FAM131C: variants seen among roughly 807,000 people sequenced by gnomAD.
FAM131C encodes the protein family with sequence similarity 131 member C.
In FAM131C, 14 loss-of-function variants were observed where a neutral mutation model predicts 29.8. The ratio of observed to expected loss-of-function variants is 0.47; its 90% CI spans 0.31 to 0.73. The LOEUF (loss-of-function observed/expected upper bound fraction) is 0.73. Among genes scored for constraint, FAM131C ranks in the 30% least tolerant of loss-of-function variants. The probability of loss-of-function intolerance (pLI) is 0.05; values close to 1 mark genes in which losing one functional copy is unlikely to be tolerated. For synonymous variants in FAM131C, 86 were observed against 157.8 expected, an observed-to-expected ratio of 0.54 and a Z score of 3.41; for missense variants, 252 against 383.8, an observed-to-expected ratio of 0.66 and a Z score of 2.87.
rs1240610829 is a variant in FAM131C at position 16,073,465 on chromosome 1, G to A, written c.-23C>T. 1 of 1,199,856 alleles carries A rather than the reference G, an allele frequency of 8.3e-7. No individual in the cohort carries two copies. Among genetic ancestry groups the A allele is most frequent in the Non-Finnish European group, 1.0e-6 (1 of 966,498 alleles). The allele number at this position is 1,199,856 out of a possible 1,614,324, so 74.3% of individuals were successfully genotyped here. On this transcript the variant is annotated 5_prime_UTR_variant, in exon 1 of 7. Coordinates refer to ENST00000375662, the MANE Select transcript of FAM131C (RefSeq NM_182623.3). ...CATCACGGGGCCGCGGGGCCGGGCCGCTGCGCCCGGGGTGCGTGGGGCCGC... is the reference window on the plus strand; with the variant it reads ...CATCACGGGGCCGCGGGGCCGGGCCACTGCGCCCGGGGTGCGTGGGGCCGC...
chr1:16,073,129 G>A (rs771721643), intron 1 of FAM131C, among the ~76,000 whole-genome samples: 109 of 152,080 alleles, frequency 7.2e-4, no homozygotes, highest in Non-Finnish European at 1.3e-3. Context: ...ACCCGGCAGG[G>A]GGTGTGTGGC....
At position 16,068,867 on chromosome 1, in the gene FAM131C, C is replaced by T. The variant is rs12073737; in HGVS notation, c.22+4554G>A. ...GCCTCACCTCCCACAAGCAACCTGC[C>T]CAGATTGGCCTCTGCTGGATTAGGT... is the stretch of plus-strand genomic sequence containing the variant. On this transcript the variant is annotated intron_variant, in intron 1 of 6. Transcript: ENST00000375662. Among the ~76,000 whole-genome samples the T allele has an allele frequency of 3.4e-3, 524 of 152,268 alleles. 3 individuals carry two copies. The highest frequency in any genetic ancestry group is 0.012 in the African/African-American group (503 of 41,554).
intron 1 of FAM131C, among the ~76,000 whole-genome samples, chr1:16,070,056 CCTCT>C (rs939006530): frequency 1.3e-5 from 2 of 152,170 alleles, no homozygotes; most frequent in African/African-American, 4.8e-5. Flanking sequence ...AGCCATAGCA[CCTCT>C]CTCTCTATAG....
At chr1:16,063,462 G>A (rs2023633524) in intron 2 of FAM131C, 59 bp downstream of exon 2, 1 of 1,305,992 alleles carries the variant, frequency 7.7e-7, no homozygotes, top group Non-Finnish European at 1.1e-6. Flanking sequence ...TCCCTGCGGG[G>A]AGGAGACAGG....
chr1:16,062,395 G>A (rs934376033), intron 3 of FAM131C, 104 bp downstream of exon 3: 63 of 643,892 alleles, frequency 9.8e-5, no homozygotes, highest in Middle Eastern at 9.7e-4. Context: ...CCCCCCCCCC[G>A]CCCCAGGGCC....
intron 4 of FAM131C, among the ~76,000 whole-genome samples, chr1:16,061,178 AG>A (rs1487936149): frequency 7.2e-5 from 11 of 152,264 alleles, no homozygotes; most frequent in East Asian, 1.9e-4. Context: ...TACGGAAGAA[AG>A]GGGAGACTCT....
intron 3 of FAM131C, 76 bp from the exon 4 acceptor site, chr1:16,062,268 C>T (rs1477944336): frequency 2.7e-6 from 4 of 1,467,428 alleles, no homozygotes; most frequent in Non-Finnish European, 3.6e-6. Context: ...CACCACCCAT[C>T]CCCGTCTCCC....
chr1:16,068,436 A>G (rs1249195721), intron 1 of FAM131C, among the ~76,000 whole-genome samples: 1 of 152,160 alleles, frequency 6.6e-6, no homozygotes, highest in African/African-American at 2.4e-5. Context: ...GGACAATGGG[A>G]CACATCTTGG....
At chr1:16,059,160 G>A (rs1396514033) in intron 6 of FAM131C, among the ~76,000 whole-genome samples, 3 of 150,992 alleles carry the variant, frequency 2.0e-5, no homozygotes, top group South Asian at 2.2e-4. Context: ...GTTTCTGAAC[G>A]TCTGAGTGCC....
At position 16,059,609 on chromosome 1, in the gene FAM131C, G is replaced by A; in HGVS notation, c.452-5C>T. The A allele has an allele frequency of 1.3e-6, 2 of 1,588,924 alleles. No individual in the cohort carries two copies. The highest frequency in any genetic ancestry group is 1.7e-6 in the Non-Finnish European group (2 of 1,165,170). On this transcript the variant is annotated splice_polypyrimidine_tract_variant and splice_region_variant and intron_variant, in intron 5 of 6. Coordinates refer to ENST00000375662, the MANE Select transcript of FAM131C (RefSeq NM_182623.3). Reference sequence around the variant, plus strand: ...TGGCAAACTGCTCGGCGACCCCTGGGGGAACAGCGAGATCCAGCTCAGGGG... The same window carrying A: ...TGGCAAACTGCTCGGCGACCCCTGGAGGAACAGCGAGATCCAGCTCAGGGG...
chr1:16,057,858 T>G lies in FAM131C; in HGVS notation c.*579A>C. 6.3e-6 allele frequency: 1 copy of G among 157,532 alleles called. No homozygotes were observed. 9.8% of individuals were successfully genotyped at this position (157,532 alleles called of 1,614,324 possible). A position where few individuals can be genotyped will look rare whatever the true frequency, so the allele number is the denominator to read the frequency against. ...AGGAGGGGGAGTGGGCTCCCAGGGGTGAGGAGCAGGGGACACGGAGGAAGC... is the reference window on the plus strand; with the variant it reads ...AGGAGGGGGAGTGGGCTCCCAGGGGGGAGGAGCAGGGGACACGGAGGAAGC... On this transcript the variant is annotated 3_prime_UTR_variant, in exon 7 of 7. Transcript: ENST00000375662.
intron 1 of FAM131C, among the ~76,000 whole-genome samples, chr1:16,064,243 C>G (rs1224455561): frequency 2.0e-5 from 3 of 152,182 alleles, no homozygotes; most frequent in African/African-American, 4.8e-5. Flanking sequence ...AACACACCCC[C>G]TCCCCTACCC....
At chr1:16,070,356 C>T (rs116012221) in intron 1 of FAM131C, among the ~76,000 whole-genome samples, 48 of 152,324 alleles carry the variant, frequency 3.2e-4, no homozygotes, top group African/African-American at 1.0e-3. Flanking sequence ...TAATCTGGTC[C>T]CAATCACTTT....
chr1:16,072,346 G>A (rs980594265), intron 1 of FAM131C, among the ~76,000 whole-genome samples: 20 of 152,304 alleles, frequency 1.3e-4, no homozygotes, highest in African/African-American at 4.3e-4. Flanking sequence ...GAGGATGGGG[G>A]AAGGTCATTG....
At chr1:16,072,060 C>A (rs1337320883) in intron 1 of FAM131C, among the ~76,000 whole-genome samples, 1 of 152,226 alleles carries the variant, frequency 6.6e-6, no homozygotes, top group Non-Finnish European at 1.5e-5. Context: ...ACTCTTCAAA[C>A]TTCCTTCCCC....
chr1:16,063,768 C>T, intron 1 of FAM131C, 132 bp from the exon 2 acceptor site: 1 of 598,594 alleles, frequency 1.7e-6, no homozygotes, highest in Admixed American at 3.4e-5. Flanking sequence ...AAAGCAGACT[C>T]AAGTCCACAG....
intron 1 of FAM131C, among the ~76,000 whole-genome samples, chr1:16,069,962 A>T (rs1281822301): frequency 1.3e-5 from 2 of 152,070 alleles, no homozygotes; most frequent in African/African-American, 4.8e-5. Flanking sequence ...ATGGGGTCTC[A>T]CTATGTTGCA....
In FAM131C at chr1:16,059,277, G is replaced by A. The variant is rs1453453222; in HGVS notation, c.562+217C>T. Among the ~76,000 whole-genome samples the A allele has an allele frequency of 2.7e-5, 4 of 150,824 alleles. No individual in the cohort carries two copies. In the South Asian group the frequency reaches 6.6e-4, roughly 25 times the overall value. Reference sequence around the variant, plus strand: ...ACAGCCCTCGGTGTGGTAAGCGCTCGATTCCCGCCCCCACTGTGCTCACTC... The same window carrying A: ...ACAGCCCTCGGTGTGGTAAGCGCTCAATTCCCGCCCCCACTGTGCTCACTC... On this transcript the variant is annotated intron_variant, in intron 6 of 6. Coordinates refer to ENST00000375662, the MANE Select transcript of FAM131C (RefSeq NM_182623.3).
chr1:16,061,792 C>T (rs2023597502), intron 4 of FAM131C, among the ~76,000 whole-genome samples: 1 of 151,790 alleles, frequency 6.6e-6, no homozygotes, highest in East Asian at 1.9e-4. Context: ...TCCAGGGAAC[C>T]TGAACTAAGG....
Sources: gnomAD v4.1 joint callset for allele counts (sites outside exome capture counted in the v4.1 genomes callset) on GRCh38, gnomAD v4.1.1 for gene constraint, MANE v1.5 for transcripts, NCBI Gene and HGNC (gene_info 2026-07-23, HGNC 2026-07-21) for gene names.